The following LDLRAD2 variants were observed in gnomAD, a reference collection of about 807,000 sequenced individuals.
LDLRAD2 encodes low-density lipoprotein receptor class A domain-containing protein 2.
A neutral mutation model predicts 24.9 loss-of-function variants in LDLRAD2; 25 were observed. The ratio of observed to expected loss-of-function variants is 1.00; its 90% CI spans 0.73 to 1.40. The LOEUF (loss-of-function observed/expected upper bound fraction) is 1.40, where lower values mean the gene tolerates loss of function less well. Among genes scored for constraint, LDLRAD2 ranks in the 40% most tolerant of loss-of-function variants. LDLRAD2 has a pLI of 0.00. For synonymous variants in LDLRAD2, 182 were observed against 166.7 expected (o/e 1.09, Z -0.71); for missense variants, 391 against 366.2 (o/e 1.07, Z -0.55).
chr1:21,824,029 C>A lies in LDLRAD2; in HGVS notation c.*1814C>A. The A allele has an allele frequency of 8.1e-7, 1 of 1,233,828 alleles. No homozygotes were observed. Among genetic ancestry groups the A allele is most frequent in the Non-Finnish European group, 1.2e-6 (1 of 857,930 alleles). 76.4% of individuals were successfully genotyped at this position (1,233,828 alleles called of 1,614,324 possible). Reference sequence around the variant, plus strand: ...GGCTTCAAGTTCTGTCTCCACAGAGCTCAATACCTGCCTCTCTGCCCATGG... The same window carrying A: ...GGCTTCAAGTTCTGTCTCCACAGAGATCAATACCTGCCTCTCTGCCCATGG... On this transcript the variant is annotated 3_prime_UTR_variant, in exon 5 of 5. Coordinates refer to ENST00000344642, the MANE Select transcript of LDLRAD2 (RefSeq NM_001013693.3). The surrounding 1 kb of genome is among the most constrained non-coding windows in gnomAD (Gnocchi z 5.9).
intron 1 of LDLRAD2, 119 bp from the exon 2 acceptor site, chr1:21,814,279 T>C (rs2097941440): frequency 1.4e-6 from 1 of 705,828 alleles, no homozygotes; most frequent in Non-Finnish European, 2.3e-6. Flanking sequence ...ATTTTACCGA[T>C]GAGGAAAATG....
rs3736358 is a variant in LDLRAD2 at position 21,823,667 on chromosome 1, G to A, written c.*1452G>A. 5.6e-5 allele frequency: 90 copies of A among 1,613,670 alleles called. 2 individuals are homozygous for A. In the Admixed American group the frequency reaches 9.5e-4, roughly 17 times the overall value. On this transcript the variant is annotated 3_prime_UTR_variant, in exon 5 of 5. Coordinates refer to ENST00000344642, the MANE Select transcript of LDLRAD2 (RefSeq NM_001013693.3). ...ACTGCCACGTTGGGACCTGGGGACCGGCCGCTGACCAGCTCCTCACCGTCG... is the reference window on the plus strand; with the variant it reads ...ACTGCCACGTTGGGACCTGGGGACCAGCCGCTGACCAGCTCCTCACCGTCG...
At position 21,823,726 on chromosome 1, in the gene LDLRAD2, T is replaced by C. The variant is rs1327201232; in HGVS notation, c.*1511T>C. On this transcript the variant is annotated 3_prime_UTR_variant, in exon 5 of 5. Coordinates refer to ENST00000344642, the MANE Select transcript of LDLRAD2 (RefSeq NM_001013693.3). The stretch of plus-strand genomic sequence containing the variant: ...GGAACCTCTGCGGCCCTCCCTGCAG[T>C]GGAACTGGGTCAGGCCCCTTTCCAC... The C allele has an allele frequency of 1.9e-6, 3 of 1,611,016 alleles. No homozygotes were observed. In the African/African-American group the frequency reaches 4.0e-5, roughly 22 times the overall value.
chr1:21,814,697 C>G lies in LDLRAD2; in HGVS notation c.385C>G (p.Pro129Ala). The G allele has an allele frequency of 6.4e-7, 1 of 1,570,004 alleles. No individual in the cohort carries two copies. The highest frequency in any genetic ancestry group is 8.6e-7 in the Non-Finnish European group (1 of 1,158,786). The change falls in exon 2 of 5, where the codon CCA becomes GCA. Residue 129 changes from proline to alanine, a missense_variant. By Grantham distance (27) the Pro-to-Ala change is conservative (BLOSUM62 -1). Transcript: ENST00000344642. ...PPGAPRPLGS[P>A]LCGLNIPVPV... ...GGGGGCGCCCCGGCCCCTGGGGTCC[C>G]CACTGTGCGGCCTGAACATCCCGGT...
In LDLRAD2 at chr1:21,823,716, C is replaced by T. The variant is rs1170234310; in HGVS notation, c.*1501C>T. On this transcript the variant is annotated 3_prime_UTR_variant, in exon 5 of 5. Coordinates refer to ENST00000344642, the MANE Select transcript of LDLRAD2 (RefSeq NM_001013693.3). ...CGACTTGGATGGAACCTCTGCGGCC[C>T]TCCCTGCAGTGGAACTGGGTCAGGC... 6.2e-7 allele frequency: 1 copy of T among 1,612,890 alleles called. No homozygotes were observed. The highest frequency in any genetic ancestry group is 8.5e-7 in the Non-Finnish European group (1 of 1,179,658).
At position 21,824,726 on chromosome 1, in the gene LDLRAD2, G is replaced by A. The variant is rs1459993725; in HGVS notation, c.*2511G>A. The A allele has an allele frequency of 3.7e-6, 6 of 1,613,716 alleles. No individual in the cohort carries two copies. In the South Asian group the frequency reaches 5.5e-5, roughly 15 times the overall value. Reference sequence around the variant, plus strand: ...CACCTCCTGGAGAAGACATGGCCAGGGAAGGCGAGGAAGCCATCATCGTGG... The same window carrying A: ...CACCTCCTGGAGAAGACATGGCCAGAGAAGGCGAGGAAGCCATCATCGTGG... On this transcript the variant is annotated 3_prime_UTR_variant, in exon 5 of 5. Coordinates refer to ENST00000344642, the MANE Select transcript of LDLRAD2 (RefSeq NM_001013693.3). This position sits in a 1 kb window ranked among gnomAD's most constrained non-coding sequence, Gnocchi z 5.9.
rs376929010 is a variant in LDLRAD2 at position 21,824,323 on chromosome 1, G to A, written c.*2108G>A. The A allele has an allele frequency of 8.7e-5, 141 of 1,613,856 alleles. No homozygotes were observed. The highest frequency in any genetic ancestry group is 7.5e-4 in the African/African-American group (56 of 75,036). ...GGACCTACCTGAAGACAAGGTGCCC[G>A]TCTTGAAGCCCGAGGCTGATGAAGT... is the stretch of plus-strand genomic sequence containing the variant. On this transcript the variant is annotated 3_prime_UTR_variant, in exon 5 of 5. Coordinates refer to ENST00000344642, the MANE Select transcript of LDLRAD2 (RefSeq NM_001013693.3). This position sits in a 1 kb window ranked among gnomAD's most constrained non-coding sequence, Gnocchi z 5.9.
intron 3 of LDLRAD2, among the ~76,000 whole-genome samples, chr1:21,816,791 C>A (rs952860800): frequency 1.3e-5 from 2 of 152,112 alleles, no homozygotes; most frequent in African/African-American, 4.8e-5. Flanking sequence ...GGTTCCTGGT[C>A]ATTTCCCTGA....
At chr1:21,815,019 C>T (rs976950829) in intron 2 of LDLRAD2, among the ~76,000 whole-genome samples, 196 bp downstream of exon 2, 2 of 152,130 alleles carry the variant, frequency 1.3e-5, no homozygotes, top group African/African-American at 2.4e-5. Flanking sequence ...AGGGACCTCC[C>T]GGATCCTAAG....
intron 3 of LDLRAD2, among the ~76,000 whole-genome samples, chr1:21,820,264 G>A (rs942782655): frequency 1.3e-5 from 2 of 151,202 alleles, no homozygotes; most frequent in Non-Finnish European, 2.9e-5. Flanking sequence ...CGCTGGGCGC[G>A]GTGGCTCACG....
chr1:21,822,096 A>G, intron 4 of LDLRAD2, 106 bp from the exon 5 acceptor site: 3 of 1,600,528 alleles, frequency 1.9e-6, no homozygotes, highest in Non-Finnish European at 2.6e-6. Flanking sequence ...TCTAGAAAAT[A>G]GGACAATTCC....
At position 21,814,786 on chromosome 1, in the gene LDLRAD2, C is replaced by A; in HGVS notation, c.474C>A (p.Arg158=). Residue 158 remains arginine, a synonymous_variant, in exon 2 of 5, where the codon CGC becomes CGA. Transcript: ENST00000344642. ...TGGTCACGAGAGGCCGCCAGCCCCGCGTGGACTTCGTGGGCGAAGTCACCT... is the reference window on the plus strand; with the variant it reads ...TGGTCACGAGAGGCCGCCAGCCCCGAGTGGACTTCGTGGGCGAAGTCACCT... ...LRLVTRGRQP[R]VDFVGEVTSF... 6.8e-7 allele frequency: 1 copy of A among 1,474,434 alleles called. No individual in the cohort carries two copies. Among genetic ancestry groups the A allele is most frequent in the Non-Finnish European group, 8.9e-7 (1 of 1,119,232 alleles). The allele number at this position is 1,474,434 out of a possible 1,614,324, so 91.3% of individuals were successfully genotyped here. A position where few individuals can be genotyped will look rare whatever the true frequency, so the allele number is the denominator to read the frequency against.
chr1:21,819,235 TG>T (rs1361467596), intron 3 of LDLRAD2, among the ~76,000 whole-genome samples: 3 of 151,760 alleles, frequency 2.0e-5, no homozygotes, highest in Non-Finnish European at 4.4e-5. Context: ...TAGCTGGGCG[TG>T]GTGGCATATG....
chr1:21,819,394 A>C (rs975785247), intron 3 of LDLRAD2, among the ~76,000 whole-genome samples: 3 of 151,790 alleles, frequency 2.0e-5, no homozygotes, highest in Non-Finnish European at 2.9e-5. Context: ...ATTATTAGTA[A>C]CTTATTATTA....
At position 21,823,387 on chromosome 1, in the gene LDLRAD2, G is replaced by A; in HGVS notation, c.*1172G>A. On this transcript the variant is annotated 3_prime_UTR_variant, in exon 5 of 5. Transcript: ENST00000344642. ...TGCAGGTCCAGGGGCTGTGGGGGCG[G>A]GGCGCCGGGTCGGGCCGAGTGCAGC... 6.4e-7 allele frequency: 1 copy of A among 1,557,446 alleles called. No individual in the cohort carries two copies. The highest frequency in any genetic ancestry group is 8.7e-7 in the Non-Finnish European group (1 of 1,156,026).
At chr1:21,814,133 G>A (rs1460675979) in intron 1 of LDLRAD2, among the ~76,000 whole-genome samples, 1 of 152,192 alleles carries the variant, frequency 6.6e-6, no homozygotes, top group African/African-American at 2.4e-5. Flanking sequence ...GGCCTCCAAA[G>A]TGCTGGGATT....
rs761381255 is a variant in LDLRAD2, at chr1:21,814,416, G to A, written c.104G>A (p.Cys35Tyr). The A allele has an allele frequency of 1.2e-6, 2 of 1,605,264 alleles. No individual in the cohort carries two copies. The highest frequency in any genetic ancestry group is 1.7e-5 in the Admixed American group (1 of 59,522). Reference sequence around the variant, plus strand: ...GCTGCAGCCGACCTGGCGGAACTGTGCGGGCAGACGTGGCAGGGGGACGGG... The same window carrying A: ...GCTGCAGCCGACCTGGCGGAACTGTACGGGCAGACGTGGCAGGGGGACGGG... ...ALETADLAEL[C>Y]GQTWQGDGLL... The change falls in exon 2 of 5, where the codon TGC becomes TAC. Residue 35 changes from cysteine (C) to tyrosine (Y), a missense_variant. Cys to Tyr is a radical substitution (Grantham distance 194). Coordinates refer to ENST00000344642, the MANE Select transcript of LDLRAD2 (RefSeq NM_001013693.3).
At position 21,823,208 on chromosome 1, in the gene LDLRAD2, G is replaced by T; in HGVS notation, c.*993G>T. The T allele has an allele frequency of 9.2e-7, 1 of 1,087,272 alleles. No homozygotes were observed. Among genetic ancestry groups the T allele is most frequent in the Non-Finnish European group, 1.2e-6 (1 of 802,560 alleles). 67.4% of individuals were successfully genotyped at this position (1,087,272 alleles called of 1,614,324 possible). A position where few individuals can be genotyped will look rare whatever the true frequency, so the allele number is the denominator to read the frequency against. ...GCCCAGGGCGGTAGCAGCAAAGCGT[G>T]GCATCGCCTCGGTTTCTTACAAAAA... On this transcript the variant is annotated 3_prime_UTR_variant, in exon 5 of 5. Transcript: ENST00000344642.
Position 21,821,402 on chromosome 1 carries a change from C to T in LDLRAD2, c.644-48C>T, listed in dbSNP as rs375984823. On this transcript the variant is annotated intron_variant, in intron 3 of 4. Coordinates refer to ENST00000344642, the MANE Select transcript of LDLRAD2 (RefSeq NM_001013693.3). Reference sequence around the variant, plus strand: ...GGATTGAATGAAACACACAAGTGTCCCAGAAAGGGCAGTTCTCAGTGTGCT... The same window carrying T: ...GGATTGAATGAAACACACAAGTGTCTCAGAAAGGGCAGTTCTCAGTGTGCT... 4.4e-6 allele frequency: 7 copies of T among 1,605,490 alleles called. No homozygotes were observed. The African/African-American group carries it at 6.7e-5, about 15-fold the overall frequency.
Sources: allele counts gnomAD v4.1 joint callset (sites outside exome capture counted in the v4.1 genomes callset), GRCh38; gene constraint gnomAD v4.1.1; non-coding constraint Gnocchi (gnomAD v3.1); transcripts MANE v1.5; gene names NCBI Gene and HGNC (gene_info 2026-07-23, HGNC 2026-07-21).